The following NRXN1 variants were observed in gnomAD, a reference collection of about 807,000 sequenced individuals.
The protein encoded by NRXN1 is neurexin-1.
A neutral mutation model predicts 150.9 loss-of-function variants in NRXN1; 39 were observed. That is an observed-to-expected ratio of 0.26 (90% CI 0.20 to 0.34). The LOEUF (loss-of-function observed/expected upper bound fraction) is 0.34, where lower values mean the gene tolerates loss of function less well. Ranked by LOEUF, NRXN1 falls within the 10% of genes least tolerant of loss-of-function variation. The probability of loss-of-function intolerance (pLI) is 1.00; values close to 1 mark genes in which losing one functional copy is unlikely to be tolerated. For synonymous variants in NRXN1, 924 were observed against 757.0 expected, an observed-to-expected ratio of 1.22 and a Z score of -3.62; for missense variants, 1,815 against 1,949.9, an observed-to-expected ratio of 0.93 and a Z score of 1.30.
chr2:50,201,688 A>T (rs1435205272), intron 18 of NRXN1, among the ~76,000 whole-genome samples: 1 of 152,240 alleles, frequency 6.6e-6, no homozygotes, highest in African/African-American at 2.4e-5. Flanking sequence ...AAACAACCAT[A>T]CACACGCATT....
chr2:50,091,096 A>G (rs983952402), intron 19 of NRXN1, among the ~76,000 whole-genome samples: 3 of 152,160 alleles, frequency 2.0e-5, no homozygotes, highest in African/African-American at 4.8e-5. Context: ...GATGTCCTGA[A>G]TTTTGAAAAC....
chr2:50,697,122 G>C (rs1310532139), intron 5 of NRXN1, among the ~76,000 whole-genome samples: 2 of 152,116 alleles, frequency 1.3e-5, no homozygotes, highest in Non-Finnish European at 2.9e-5. Context: ...GATGTATTTG[G>C]AAGGGGCAGA....
chr2:50,303,016 T>C (rs960158286), intron 17 of NRXN1, among the ~76,000 whole-genome samples: 24 of 152,176 alleles, frequency 1.6e-4, no homozygotes, highest in Admixed American at 1.5e-3. Flanking sequence ...AAAAAAGTTT[T>C]TGAACTAAAG....
At chr2:50,324,951 C>A (rs2076288889) in intron 17 of NRXN1, among the ~76,000 whole-genome samples, 1 of 152,152 alleles carries the variant, frequency 6.6e-6, no homozygotes, top group African/African-American at 2.4e-5. Context: ...CAGTTGTATT[C>A]TTGGACTTTG....
intron 16 of NRXN1, among the ~76,000 whole-genome samples, chr2:50,466,031 A>G (rs1223562497): frequency 1.3e-5 from 2 of 151,844 alleles, no homozygotes; most frequent in Non-Finnish European, 2.9e-5. Flanking sequence ...TCCAAACGAT[A>G]AAGTTATGAT....
intron 17 of NRXN1, among the ~76,000 whole-genome samples, chr2:50,301,977 G>A (rs1246587448): frequency 1.3e-5 from 2 of 152,008 alleles, no homozygotes; most frequent in African/African-American, 2.4e-5. Context: ...TAGGCCTCTC[G>A]AGGATAAGTC....
intron 21 of NRXN1, among the ~76,000 whole-genome samples, chr2:49,975,832 C>G (rs990822018): frequency 2.0e-5 from 3 of 152,042 alleles, no homozygotes; most frequent in Non-Finnish European, 4.4e-5. Context: ...AACTATGATA[C>G]AGCCTTACAG....
intron 21 of NRXN1, among the ~76,000 whole-genome samples, chr2:49,965,805 T>C (rs1676874062): frequency 6.6e-6 from 1 of 152,174 alleles, no homozygotes; most frequent in South Asian, 2.1e-4. Flanking sequence ...CCCACTTCAT[T>C]AGGAACCACA....
intron 21 of NRXN1, among the ~76,000 whole-genome samples, chr2:49,995,213 G>A (rs747555131): frequency 6.6e-6 from 1 of 152,230 alleles, no homozygotes; most frequent in Non-Finnish European, 1.5e-5. Context: ...AAAAATGAGA[G>A]AAAGGTAACT....
chr2:50,837,220 A>T (rs889574723), intron 5 of NRXN1, among the ~76,000 whole-genome samples: 10 of 152,188 alleles, frequency 6.6e-5, no homozygotes, highest in Non-Finnish European at 1.3e-4. Context: ...AGTGTTATCT[A>T]CTCATAGCCA....
intron 2 of NRXN1, among the ~76,000 whole-genome samples, chr2:50,947,501 G>A (rs1660285004): frequency 6.6e-6 from 1 of 151,420 alleles, no homozygotes; most frequent in Non-Finnish European, 1.5e-5. Flanking sequence ...CTTTTCCCAT[G>A]CACGGCAATG....
chr2:50,234,190 A>G (rs1021524948), intron 18 of NRXN1, among the ~76,000 whole-genome samples: 1 of 152,022 alleles, frequency 6.6e-6, no homozygotes, highest in African/African-American at 2.4e-5. Flanking sequence ...AATTTTTATT[A>G]TATGCTTAAA....
At chr2:50,148,354 A>C (rs1283754852) in intron 18 of NRXN1, among the ~76,000 whole-genome samples, 2 of 151,546 alleles carry the variant, frequency 1.3e-5, no homozygotes, top group East Asian at 3.9e-4. Context: ...CTACTTCATG[A>C]AGTCTCTATA....
At position 49,926,498 on chromosome 2, in the gene NRXN1, C is replaced by T. The variant is rs17039462; in HGVS notation, c.4217-4247G>A. The T allele has an allele frequency of 1.9e-3, 755 of 395,932 alleles. 14 individuals are homozygous for T. The East Asian group carries it at 0.025, about 13-fold the overall frequency. The allele number at this position is 395,932 out of a possible 1,614,324, so 24.5% of individuals were successfully genotyped here. ...TATCAAATGTTTGGACAGTTAGTAACCTATTTCTGCACTATGCTCTAAATC... is the reference window on the plus strand; with the variant it reads ...TATCAAATGTTTGGACAGTTAGTAATCTATTTCTGCACTATGCTCTAAATC... On this transcript the variant is annotated intron_variant, in intron 22 of 22. Coordinates refer to ENST00000401669, the MANE Select transcript of NRXN1 (RefSeq NM_001330078.2).
rs2090386081 is a variant in NRXN1, at chr2:50,480,558, T to C, written c.3071-8087A>G. ...GTCTGTAGAACACAGAGAAGCTAAC[T>C]GTGTGGACCCTTAGTGCTCTGCTCT... On this transcript the variant is annotated intron_variant, in intron 15 of 22. Coordinates refer to ENST00000401669, the MANE Select transcript of NRXN1 (RefSeq NM_001330078.2). Among the ~76,000 whole-genome samples the C allele has an allele frequency of 2.0e-5, 3 of 152,322 alleles. No homozygotes were observed. The South Asian group carries it at 6.2e-4, about 32-fold the overall frequency.
chr2:50,905,908 T>G (rs1683599323), intron 5 of NRXN1, among the ~76,000 whole-genome samples: 1 of 152,118 alleles, frequency 6.6e-6, no homozygotes, highest in African/African-American at 2.4e-5. Flanking sequence ...TAGAAATAAC[T>G]TCCCCAATAT....
At chr2:50,511,472 C>G (rs950638728) in intron 12 of NRXN1, among the ~76,000 whole-genome samples, 1 of 152,190 alleles carries the variant, frequency 6.6e-6, no homozygotes, top group Non-Finnish European at 1.5e-5. Context: ...TGCTTGTCAA[C>G]AGAGTTTGAC....
intron 8 of NRXN1, among the ~76,000 whole-genome samples, chr2:50,568,161 T>C (rs1670149428): frequency 6.6e-6 from 1 of 152,112 alleles, no homozygotes; most frequent in African/African-American, 2.4e-5. Flanking sequence ...AACCTCTGTG[T>C]CACTAGACCT....
At chr2:51,020,663 A>G (rs1028635164) in intron 2 of NRXN1, among the ~76,000 whole-genome samples, 5 of 151,998 alleles carry the variant, frequency 3.3e-5, no homozygotes, top group African/African-American at 7.2e-5. Context: ...AGTTCACAAT[A>G]TATTAGTAGT....
Sources: gnomAD v4.1 joint callset for allele counts (sites outside exome capture counted in the v4.1 genomes callset) on GRCh38, gnomAD v4.1.1 for gene constraint, MANE v1.5 for transcripts, NCBI Gene and HGNC (gene_info 2026-07-23, HGNC 2026-07-21) for gene names.